The following GLYR1 variants were observed in gnomAD, a reference collection of about 807,000 sequenced individuals.
GLYR1 encodes the protein cytokine-like nuclear factor N-PAC.
GLYR1 carries 21 observed loss-of-function variants against 72.7 expected under a neutral mutation model. That is an observed-to-expected ratio of 0.29 (90% confidence interval 0.20 to 0.42). The LOEUF is 0.42. GLYR1 is among the 10% of genes least tolerant of loss of function. The pLI, the probability that GLYR1 is intolerant of heterozygous loss-of-function variation, is 1.00. For missense variants in GLYR1, 594 were observed against 712.1 expected, an observed-to-expected ratio of 0.83 and a Z score of 1.89; for synonymous variants, 392 against 270.2, an observed-to-expected ratio of 1.45 and a Z score of -4.42.
chr16:4,845,046 A>C (rs1298819558), intron 3 of GLYR1, 28 bp downstream of exon 3: 2 of 1,480,710 alleles, frequency 1.4e-6, no homozygotes, highest in South Asian at 1.1e-5. Flanking sequence ...AGAAAGGCGA[A>C]GGGAGACTCC....
At chr16:4,839,064 G>A (rs1463840549) in intron 3 of GLYR1, among the ~76,000 whole-genome samples, 2 of 152,082 alleles carry the variant, frequency 1.3e-5, no homozygotes, top group Non-Finnish European at 2.9e-5. Flanking sequence ...TCTCACCTGT[G>A]TTTCAGCCTT....
chr16:4,843,873 G>C (rs994124421), intron 3 of GLYR1: 8 of 198,358 alleles, frequency 4.0e-5, no homozygotes, highest in Non-Finnish European at 8.4e-5. Context: ...AGGGGGTTGG[G>C]GGGGGGAGGG....
intron 7 of GLYR1, 111 bp from the exon 8 acceptor site, chr16:4,821,708 GT>G: frequency 1.0e-6 from 1 of 984,738 alleles, no homozygotes; most frequent in Non-Finnish European, 1.6e-6. Context: ...TCAACTATTT[GT>G]TTTATACTTT....
intron 7 of GLYR1, 51 bp from the exon 8 acceptor site, chr16:4,821,648 G>A (rs1365804956): frequency 1.3e-6 from 2 of 1,532,336 alleles, no homozygotes; most frequent in Non-Finnish European, 9.0e-7. Context: ...GGCTTAACCA[G>A]TCTTCATAAT....
Position 4,805,147 on chromosome 16 carries a change from T to C in GLYR1, c.*89A>G. ...AAGGAAATGGAGATAGGTGGGCTGGTCCAGAATGAACTCCCAGGCCCCCGA... is the reference window on the plus strand; with the variant it reads ...AAGGAAATGGAGATAGGTGGGCTGGCCCAGAATGAACTCCCAGGCCCCCGA... On this transcript the variant is annotated 3_prime_UTR_variant, in exon 16 of 16. Coordinates refer to ENST00000321919, the MANE Select transcript of GLYR1 (RefSeq NM_032569.4). 9.4e-7 allele frequency: 1 copy of C among 1,058,924 alleles called. No individual in the cohort carries two copies. Among genetic ancestry groups the C allele is most frequent in the Non-Finnish European group, 1.5e-6 (1 of 686,148 alleles). The allele number at this position is 1,058,924 out of a possible 1,614,324, so 65.6% of individuals were successfully genotyped here. A position where few individuals can be genotyped will look rare whatever the true frequency, so the allele number is the denominator to read the frequency against.
intron 15 of GLYR1, among the ~76,000 whole-genome samples, chr16:4,809,986 T>G (rs1339139689): frequency 6.6e-6 from 1 of 152,014 alleles, no homozygotes; most frequent in Non-Finnish European, 1.5e-5. Context: ...GCAGGGCATG[T>G]TCTTTGATCA....
intron 5 of GLYR1, among the ~76,000 whole-genome samples, chr16:4,829,521 G>A (rs935110592): frequency 6.6e-6 from 1 of 151,666 alleles, no homozygotes; most frequent in African/African-American, 2.4e-5. Context: ...GGGTCTCGCT[G>A]TGTCACCCAG....
intron 9 of GLYR1, 47 bp downstream of exon 9, chr16:4,821,333 C>A (rs2084010950): frequency 1.9e-6 from 3 of 1,600,670 alleles, no homozygotes; most frequent in Non-Finnish European, 2.6e-6. Context: ...TCTCCCCACC[C>A]TCAGCAGAAC....
At position 4,821,044 on chromosome 16, in the gene GLYR1, T is replaced by A. The variant is rs573440255; in HGVS notation, c.806+336A>T. On this transcript the variant is annotated intron_variant, in intron 9 of 15. Coordinates refer to ENST00000321919, the MANE Select transcript of GLYR1 (RefSeq NM_032569.4). ...CCTGGGAACTGGTTAAAAATACAAATTCTTGGGCCCCACCCGGACATATTG... is the reference window on the plus strand; with the variant it reads ...CCTGGGAACTGGTTAAAAATACAAAATCTTGGGCCCCACCCGGACATATTG... 2.6e-5 allele frequency among the ~76,000 whole-genome samples: 4 copies of A among 152,340 alleles called. No homozygotes were observed. The South Asian group carries it at 8.3e-4, about 32-fold the overall frequency.
At chr16:4,811,574 T>G (rs1240816050) in intron 14 of GLYR1, 49 bp downstream of exon 14, 8 of 1,603,342 alleles carry the variant, frequency 5.0e-6, no homozygotes, top group Non-Finnish European at 6.8e-6. Context: ...CCTAGTACCC[T>G]GCTCTAATCA....
intron 3 of GLYR1, chr16:4,839,617 C>T (rs911482627): frequency 5.9e-5 from 9 of 152,076 alleles, no homozygotes; most frequent in East Asian, 1.9e-4. Context: ...CTCAGGGAGC[C>T]GAATCCGTAT....
chr16:4,843,551 C>G, intron 3 of GLYR1: 2 of 1,289,058 alleles, frequency 1.6e-6, no homozygotes, highest in Non-Finnish European at 2.0e-6. Context: ...TGAAATACTG[C>G]CACCACAGGC....
Position 4,831,969 on chromosome 16 carries a change from G to C in GLYR1, c.537+10C>G, listed in dbSNP as rs371197179. 4.3e-6 allele frequency: 7 copies of C among 1,611,150 alleles called. No individual in the cohort carries two copies. The highest frequency in any genetic ancestry group is 1.7e-4 in the Middle Eastern group (1 of 6,046). On this transcript the variant is annotated intron_variant, in intron 5 of 15. Coordinates refer to ENST00000321919, the MANE Select transcript of GLYR1 (RefSeq NM_032569.4). The stretch of plus-strand genomic sequence containing the variant: ...TCACTAATCCCGGAAGCTGCAGAGA[G>C]AAAACAAACCTTCTCATCCTTTGGG...
At chr16:4,821,499 T>G in intron 8 of GLYR1, 46 bp from the exon 9 acceptor site, 1 of 1,613,972 alleles carries the variant, frequency 6.2e-7, no homozygotes, top group Non-Finnish European at 8.5e-7. Flanking sequence ...GCCTGCAGTT[T>G]AAGGCCCCAG....
chr16:4,818,683 T>C (rs1462338994), intron 9 of GLYR1, among the ~76,000 whole-genome samples: 2 of 152,050 alleles, frequency 1.3e-5, no homozygotes, highest in African/African-American at 4.8e-5. Flanking sequence ...AGGACGGCAA[T>C]TTTCACCTCT....
In GLYR1 at chr16:4,832,014, G is replaced by T. The variant is rs753780878; in HGVS notation, c.502C>A (p.Pro168Thr). The change falls in exon 5 of 16, where the codon CCC becomes ACC. Residue 168 changes from proline to threonine, a missense_variant. Transcript: ENST00000321919. Reference protein sequence around the residue: ...SPLKRAQEQSPRKRGRPPKDE... With the variant: ...SPLKRAQEQSTRKRGRPPKDE... ...TTTGGGGGCCGACCCCGCTTCCGGG[G>T]ACTTTGCTCTTGGGCTCTTTTCAGA... 6.2e-7 allele frequency: 1 copy of T among 1,614,136 alleles called. No homozygotes were observed. The highest frequency in any genetic ancestry group is 1.7e-5 in the Admixed American group (1 of 60,016).
chr16:4,813,791 C>T lies in GLYR1; in HGVS notation c.1065G>A (p.Lys355=). 1.9e-6 allele frequency: 3 copies of T among 1,613,190 alleles called. No homozygotes were observed. The highest frequency in any genetic ancestry group is 1.1e-5 in the South Asian group (1 of 90,788). ...CCACTGTTGACATGTCCACGTAGCA[C>T]TTCCCAGGGCGGATCCCTTGCAGCA... The part of the protein sequence containing the change: ...SGVLQGIRPG[K]CYVDMSTVDA... The change falls in exon 12 of 16, where the codon AAG becomes AAA. Residue 355 remains lysine, a synonymous_variant. Coordinates refer to ENST00000321919, the MANE Select transcript of GLYR1 (RefSeq NM_032569.4).
intron 5 of GLYR1, among the ~76,000 whole-genome samples, chr16:4,826,378 T>C (rs1244246595): frequency 6.6e-6 from 1 of 152,176 alleles, no homozygotes; most frequent in East Asian, 1.9e-4. Context: ...AGTGCTGGGA[T>C]TATGGGAGTG....
At chr16:4,837,841 T>C (rs902662848) in intron 3 of GLYR1, among the ~76,000 whole-genome samples, 1 of 151,312 alleles carries the variant, frequency 6.6e-6, no homozygotes, top group South Asian at 2.1e-4. Context: ...TGAGGCAGGA[T>C]AATCGCTTGA....
Sources: gnomAD v4.1 joint callset for allele counts (sites outside exome capture counted in the v4.1 genomes callset) on GRCh38, gnomAD v4.1.1 for gene constraint, MANE v1.5 for transcripts, NCBI Gene and HGNC (gene_info 2026-07-23, HGNC 2026-07-21) for gene names.